Variants in SCIN observed in about 807,000 individuals in gnomAD.
SCIN encodes adseverin.
A neutral mutation model predicts 91.8 loss-of-function variants in SCIN; 91 were observed. The ratio of observed to expected loss-of-function variants is 0.99; its 90% CI spans 0.84 to 1.18. The LOEUF (loss-of-function observed/expected upper bound fraction) is 1.18. Ranked by LOEUF, SCIN falls within the 50% of genes most tolerant of loss-of-function variation. SCIN has a pLI of 0.00. For synonymous variants in SCIN, 367 were observed against 312.6 expected (o/e 1.17, Z -1.84); for missense variants, 1,087 against 863.9 (o/e 1.26, Z -3.24).
chr7:12,639,277 T>G (rs912521510), intron 10 of SCIN, among the ~76,000 whole-genome samples: 1 of 152,264 alleles, frequency 6.6e-6, no homozygotes, highest in African/African-American at 2.4e-5. Context: ...TTTTAGGTAT[T>G]TGTGAGACTA....
rs572235471 is a variant in SCIN, at chr7:12,637,958, T to G, written c.1410+1823T>G. ...TATACAATATCAGACGATATCAATGTCTAGTTCTAGATCTCCTCACTGTGT... is the reference window on the plus strand; with the variant it reads ...TATACAATATCAGACGATATCAATGGCTAGTTCTAGATCTCCTCACTGTGT... On this transcript the variant is annotated intron_variant, in intron 10 of 15. Coordinates refer to ENST00000297029, the MANE Select transcript of SCIN (RefSeq NM_001112706.3). Among the ~76,000 whole-genome samples, 13 of 152,290 alleles carry G rather than the reference T, an allele frequency of 8.5e-5. No homozygotes were observed. In the South Asian group the frequency reaches 2.5e-3, roughly 29 times the overall value.
chr7:12,620,056 A>G (rs114353341), intron 4 of SCIN, among the ~76,000 whole-genome samples: 1,704 of 152,084 alleles, frequency 0.011, 28 homozygotes, highest in African/African-American at 0.038. Context: ...GTACATATAT[A>G]TCTATCAAAT....
At chr7:12,598,283 G>A (rs962592858) in intron 3 of SCIN, among the ~76,000 whole-genome samples, 6 of 152,046 alleles carry the variant, frequency 3.9e-5, no homozygotes, top group African/African-American at 1.4e-4. Context: ...AACAGAGTAA[G>A]GTGAATTAAG....
At chr7:12,607,548 A>G (rs1157706604) in intron 4 of SCIN, among the ~76,000 whole-genome samples, 2 of 152,356 alleles carry the variant, frequency 1.3e-5, no homozygotes, top group East Asian at 1.9e-4. Flanking sequence ...TATAATGCTT[A>G]AGATAAAATG....
chr7:12,622,841 A>G lies in SCIN; in HGVS notation c.707A>G (p.Asp236Gly), dbSNP rs1562620694. ...CCAGAGCTTCCAGATGGAGGTGATGATGATGACATTATAGCAGACATAAGT... is the reference window on the plus strand; with the variant it reads ...CCAGAGCTTCCAGATGGAGGTGATGGTGATGACATTATAGCAGACATAAGT... ...EKPELPDGGD[D>G]DDIIADISNR... is the part of the protein sequence containing the mutation. Residue 236 changes from aspartate (D) to glycine (G), a missense_variant, in exon 5 of 16, where the codon GAT (aspartate) becomes GGT (glycine). Asp to Gly is a moderately conservative substitution (Grantham distance 94). Transcript: ENST00000297029. 6.2e-7 allele frequency: 1 copy of G among 1,613,206 alleles called. No individual in the cohort carries two copies. The highest frequency in any genetic ancestry group is 8.5e-7 in the Non-Finnish European group (1 of 1,179,442).
chr7:12,629,406 A>G (rs571148736), intron 9 of SCIN, among the ~76,000 whole-genome samples, 184 bp downstream of exon 9: 2 of 151,588 alleles, frequency 1.3e-5, no homozygotes, highest in African/African-American at 4.9e-5. Context: ...ATCCACAGGC[A>G]GCAGGAGTCA....
intron 1 of SCIN, chr7:12,577,556 A>G (rs1260488941): frequency 6.6e-6 from 3 of 456,556 alleles, no homozygotes; most frequent in Admixed American, 2.3e-5. Context: ...TGGAAAAAGC[A>G]GAAACAAAAA....
chr7:12,638,595 G>A (rs1783798617), intron 10 of SCIN, among the ~76,000 whole-genome samples: 1 of 152,100 alleles, frequency 6.6e-6, no homozygotes, highest in Admixed American at 6.6e-5. Context: ...TCAAATCTTT[G>A]TAAGTGTGTA....
chr7:12,608,997 C>T (rs576979252), intron 4 of SCIN, among the ~76,000 whole-genome samples: 1 of 152,258 alleles, frequency 6.6e-6, no homozygotes, highest in African/African-American at 2.4e-5. Flanking sequence ...TCACACTTTT[C>T]TGAGAGTCTT....
intron 13 of SCIN, among the ~76,000 whole-genome samples, chr7:12,648,609 A>G (rs1784013956): frequency 1.3e-5 from 2 of 152,104 alleles, no homozygotes; most frequent in Admixed American, 1.3e-4. Flanking sequence ...TGACTTTTTA[A>G]AAGTAATCCT....
intron 8 of SCIN, among the ~76,000 whole-genome samples, chr7:12,627,652 G>A (rs1783555650): frequency 6.6e-6 from 1 of 152,202 alleles, no homozygotes; most frequent in African/African-American, 2.4e-5. Context: ...CGGCATGGGT[G>A]TTGGAGAGTG....
intron 2 of SCIN, among the ~76,000 whole-genome samples, chr7:12,580,658 G>A (rs1480397943): frequency 1.3e-5 from 2 of 152,138 alleles, no homozygotes; most frequent in Non-Finnish European, 2.9e-5. Flanking sequence ...ATCTGTATGT[G>A]TTACTTCTGA....
chr7:12,633,430 CAA>C (rs749350426), intron 9 of SCIN, among the ~76,000 whole-genome samples: 1 of 152,004 alleles, frequency 6.6e-6, no homozygotes, highest in African/African-American at 2.4e-5. Context: ...GAATTAGAAA[CAA>C]AGAGTGACTG....
At chr7:12,581,975 C>CTTATAAGGCTTTCTTATAAAGCTTAT (rs1296537186) in intron 3 of SCIN, among the ~76,000 whole-genome samples, 3 of 152,184 alleles carry the variant, frequency 2.0e-5, no homozygotes, top group African/African-American at 7.2e-5. Flanking sequence ...AGCAAGAAAG[C>CTTATAAGGCTTTCTTATAAAGCTTAT]ACAGAACTTA....
chr7:12,614,353 AACT>A (rs1188761336), intron 4 of SCIN, among the ~76,000 whole-genome samples: 1 of 152,208 alleles, frequency 6.6e-6, no homozygotes, highest in Non-Finnish European at 1.5e-5. Context: ...AAGAGCTAAC[AACT>A]ACTACCCTGA....
At chr7:12,584,959 G>A (rs1782557501) in intron 3 of SCIN, among the ~76,000 whole-genome samples, 2 of 152,130 alleles carry the variant, frequency 1.3e-5, no homozygotes, top group South Asian at 4.1e-4. Flanking sequence ...TATTTCCCAG[G>A]AGTAGGAATT....
At chr7:12,591,989 T>A (rs1432261631) in intron 3 of SCIN, among the ~76,000 whole-genome samples, 2 of 152,124 alleles carry the variant, frequency 1.3e-5, no homozygotes, top group African/African-American at 4.8e-5. Context: ...GTCCACATAT[T>A]GAAGATGACT....
intron 4 of SCIN, among the ~76,000 whole-genome samples, chr7:12,609,723 C>A (rs1326292457): frequency 6.6e-6 from 1 of 152,006 alleles, no homozygotes; most frequent in Non-Finnish European, 1.5e-5. Context: ...ATTGTAAATG[C>A]TGGTGGTGAA....
At position 12,654,459 on chromosome 7, in the gene SCIN, G is replaced by T. The variant is rs1038785587; in HGVS notation, c.*1744G>T. ...TGTAACCTGTACTAATAAATATAGTGCTAGTCCTGCATGCAACAAAAATGA... is the reference window on the plus strand; with the variant it reads ...TGTAACCTGTACTAATAAATATAGTTCTAGTCCTGCATGCAACAAAAATGA... On this transcript the variant is annotated 3_prime_UTR_variant, in exon 16 of 16. Transcript: ENST00000297029. 1 of 151,992 alleles carries T rather than the reference G, an allele frequency of 6.6e-6. No individual in the cohort carries two copies. Among genetic ancestry groups the T allele is most frequent in the Admixed American group, 6.5e-5 (1 of 15,268 alleles). The allele number at this position is 151,992 out of a possible 1,614,324, so 9.4% of individuals were successfully genotyped here. A position where few individuals can be genotyped will look rare whatever the true frequency, so the allele number is the denominator to read the frequency against.
Sources: allele counts gnomAD v4.1 joint callset (sites outside exome capture counted in the v4.1 genomes callset), GRCh38; gene constraint gnomAD v4.1.1; transcripts MANE v1.5; gene names NCBI Gene and HGNC (gene_info 2026-07-23, HGNC 2026-07-21).